Variants in POLA1 observed in about 807,000 individuals in gnomAD.
POLA1 encodes DNA polymerase alpha 1, catalytic subunit.
POLA1 carries 15 observed loss-of-function variants against 124.0 expected under a neutral mutation model. The ratio of observed to expected loss-of-function variants is 0.12; its 90% CI spans 0.08 to 0.19. The LOEUF (loss-of-function observed/expected upper bound fraction) is 0.19, where lower values mean the gene tolerates loss of function less well. Ranked by LOEUF, POLA1 falls within the 10% of genes least tolerant of loss-of-function variation. The probability of loss-of-function intolerance (pLI) is 1.00; values close to 1 mark genes in which losing one functional copy is unlikely to be tolerated. For missense variants in POLA1, 886 were observed against 1,103.4 expected (o/e 0.80, Z 2.79); for synonymous variants, 408 against 389.4 (o/e 1.05, Z -0.56).
intron 26 of POLA1, among the ~76,000 whole-genome samples, chrX:24,788,143 G>A (rs940844022): frequency 9.0e-6 from 1 of 111,469 alleles, no homozygotes; most frequent in African/African-American, 3.3e-5. Flanking sequence ...TGCAGAAAAA[G>A]CATTTGACAA....
intron 36 of POLA1, among the ~76,000 whole-genome samples, chrX:24,967,490 C>T (rs1034880069): frequency 9.2e-6 from 1 of 108,992 alleles, no homozygotes; most frequent in African/African-American, 3.3e-5. Flanking sequence ...GGTAACATGG[C>T]GAAACCCATT....
chrX:24,902,846 G>A (rs2047301114), intron 35 of POLA1, among the ~76,000 whole-genome samples: 1 of 112,292 alleles, frequency 8.9e-6, no homozygotes, highest in Admixed American at 9.4e-5. Flanking sequence ...CAAAAACAAT[G>A]ACATAGTTTT....
At chrX:24,836,103 G>A (rs764750949) in intron 32 of POLA1, among the ~76,000 whole-genome samples, 1 of 111,812 alleles carries the variant, frequency 8.9e-6, no homozygotes, top group East Asian at 2.8e-4. Flanking sequence ...TAGATGAGGT[G>A]GATTTTTGGG....
intron 26 of POLA1, among the ~76,000 whole-genome samples, chrX:24,780,296 C>G (rs1198316162): frequency 8.9e-6 from 1 of 112,115 alleles, no homozygotes; most frequent in African/African-American, 3.2e-5. Context: ...TAGAATTCAC[C>G]AGTGAAGCCA....
chrX:24,940,084 T>TA (rs775247929), intron 36 of POLA1, among the ~76,000 whole-genome samples: 3 of 111,841 alleles, frequency 2.7e-5, no homozygotes, highest in Non-Finnish European at 5.7e-5. Flanking sequence ...CAAGAGAGCA[T>TA]ACTCCTTTCT....
At chrX:24,750,092 C>G (rs1932243448) in intron 26 of POLA1, among the ~76,000 whole-genome samples, 1 of 111,937 alleles carries the variant, frequency 8.9e-6, no homozygotes, top group Admixed American at 9.5e-5. Flanking sequence ...AAATAATGTT[C>G]TATTGGAACA....
In POLA1 at chrX:24,957,985, A is replaced by G. The variant is rs1347848758; in HGVS notation, c.4261+27436A>G. Among the ~76,000 whole-genome samples the G allele has an allele frequency of 4.5e-5, 5 of 111,076 alleles. No homozygotes were observed. The East Asian group carries it at 1.4e-3, about 31-fold the overall frequency. ...CTTGGCACTGTTGACATTTTGAGCT[A>G]GGTGATTCTTTGTTGTGGAGGCTCT... On this transcript the variant is annotated intron_variant, in intron 36 of 36. Transcript: ENST00000379068.
At chrX:24,885,882 G>C (rs1323327396) in intron 34 of POLA1, among the ~76,000 whole-genome samples, 1 of 112,209 alleles carries the variant, frequency 8.9e-6, no homozygotes, top group African/African-American at 3.2e-5. Context: ...TGACTTAACA[G>C]CTTTTTTGAA....
chrX:24,783,913 G>A (rs1302634730), intron 26 of POLA1, among the ~76,000 whole-genome samples: 1 of 111,439 alleles, frequency 9.0e-6, no homozygotes, highest in Non-Finnish European at 1.9e-5. Flanking sequence ...AGTGACTACA[G>A]TGAGTACAGA....
Position 24,739,371 on chromosome X carries a change from G to A in POLA1, c.2041-4G>A, listed in dbSNP as rs1931495558. The A allele has an allele frequency of 8.6e-7, 1 of 1,166,121 alleles. No individual in the cohort carries two copies. The highest frequency in any genetic ancestry group is 1.1e-6 in the Non-Finnish European group (1 of 870,683). ...GAAGTTTGCTTTTTGTTCCCATCTTGTAGGGCCGGAGTGGATTTGGTGAAA... is the reference window on the plus strand; with the variant it reads ...GAAGTTTGCTTTTTGTTCCCATCTTATAGGGCCGGAGTGGATTTGGTGAAA... On this transcript the variant is annotated splice_region_variant and splice_polypyrimidine_tract_variant and intron_variant, in intron 19 of 36. Coordinates refer to ENST00000379068, the MANE Select transcript of POLA1 (RefSeq NM_001330360.2).
intron 34 of POLA1, among the ~76,000 whole-genome samples, chrX:24,882,687 GT>G (rs2047018422): frequency 3.4e-5 from 1 of 29,247 alleles, no homozygotes; most frequent in Admixed American, 3.4e-4. Context: ...ATTCCATGGT[GT>G]GTGTGTGTGT....
intron 26 of POLA1, among the ~76,000 whole-genome samples, chrX:24,766,748 T>C (rs1168399127): frequency 9.0e-6 from 1 of 110,972 alleles, no homozygotes; most frequent in Non-Finnish European, 1.9e-5. Context: ...ATTATAGGAT[T>C]TTGGAGAGGG....
intron 2 of POLA1, 27 bp from the exon 3 acceptor site, chrX:24,703,224 T>G: frequency 4.5e-6 from 5 of 1,099,028 alleles, no homozygotes; most frequent in Non-Finnish European, 6.2e-6. Context: ...ATTTGAAGCT[T>G]TTTTCCTGAA....
At chrX:24,740,036 T>C (rs945966859) in intron 20 of POLA1, among the ~76,000 whole-genome samples, 1 of 111,179 alleles carries the variant, frequency 9.0e-6, no homozygotes, top group African/African-American at 3.3e-5. Flanking sequence ...ATGGCTATGC[T>C]TCCCACCTGT....
In POLA1 at chrX:24,748,458, C is replaced by T; in HGVS notation, c.2839C>T (p.Gln947Ter). 1 of 1,177,585 alleles carries T rather than the reference C, an allele frequency of 8.5e-7. No homozygotes were observed. Among genetic ancestry groups the T allele is most frequent in the African/African-American group, 1.8e-5 (1 of 56,795 alleles). ...AGACTTAAATCCAGACCTTATTCTT[C>T]AGGTATATCTTTTCACTAAGAAACA... ...QQDLNPDLIL[Q>*]YDIRQKALKL... The change falls in exon 25 of 37, where the codon CAG becomes TAG. Residue 947 changes from glutamine to a stop codon, truncating the protein, a stop_gained and splice_region_variant. Transcript: ENST00000379068. LOFTEE classifies it high-confidence loss of function.
At chrX:24,879,963 G>T (rs957986877) in intron 34 of POLA1, among the ~76,000 whole-genome samples, 1 of 111,555 alleles carries the variant, frequency 9.0e-6, no homozygotes. Flanking sequence ...TTGCATGGGG[G>T]CTCTTTAATG....
chrX:24,817,010 T>C (rs1391979268), intron 30 of POLA1, among the ~76,000 whole-genome samples: 5 of 112,084 alleles, frequency 4.5e-5, no homozygotes, highest in Admixed American at 9.4e-5. Flanking sequence ...TATCAACTTA[T>C]AGTGACATTC....
At chrX:24,784,881 G>A (rs748884094) in intron 26 of POLA1, among the ~76,000 whole-genome samples, 1 of 111,134 alleles carries the variant, frequency 9.0e-6, no homozygotes, top group South Asian at 3.8e-4. Flanking sequence ...ACACTGTTCT[G>A]CACTAAACAG....
In POLA1 at chrX:24,745,526, C is replaced by T. The variant is rs752614463; in HGVS notation, c.2675C>T (p.Ala892Val). Residue 892 changes from alanine to valine, a missense_variant, in exon 24 of 37, where the codon GCA (alanine) becomes GTA (valine). Transcript: ENST00000379068. The stretch of plus-strand genomic sequence containing the variant: ...ACAGTACAAAGAGTTGCTTCAGAGG[C>T]ACAGAAAGTTACAGAGGTTTGTATT... ...FTTVQRVASE[A>V]QKVTEDGEQE... The T allele has an allele frequency of 1.7e-6, 2 of 1,167,558 alleles. No individual in the cohort carries two copies. Among genetic ancestry groups the T allele is most frequent in the Admixed American group, 4.7e-5 (2 of 42,927 alleles).
Sources: allele counts gnomAD v4.1 joint callset (sites outside exome capture counted in the v4.1 genomes callset), GRCh38; gene constraint gnomAD v4.1.1; transcripts MANE v1.5; gene names NCBI Gene and HGNC (gene_info 2026-07-23, HGNC 2026-07-21).